MBD5: variants seen among roughly 807,000 people sequenced by gnomAD.
MBD5 encodes methyl-CpG binding domain protein 5.
Under a neutral mutation model 117.3 loss-of-function variants are expected in MBD5, and 13 were observed. That is an observed-to-expected ratio of 0.11 (90% CI 0.07 to 0.18). MBD5 has a LOEUF of 0.18. MBD5 is among the 10% of genes least tolerant of loss of function. The probability of loss-of-function intolerance (pLI) is 1.00; values close to 1 mark genes in which losing one functional copy is unlikely to be tolerated. For missense variants in MBD5, 1,879 were observed against 2,093.8 expected (o/e 0.90, Z 2.00); for synonymous variants, 727 against 766.4 (o/e 0.95, Z 0.85).
At chr2:148,456,937 G>A (rs1239069788) in intron 4 of MBD5, among the ~76,000 whole-genome samples, 1 of 151,978 alleles carries the variant, frequency 6.6e-6, no homozygotes, top group African/African-American at 2.4e-5. Context: ...TTCCTAATGA[G>A]AGATCCAAAA....
chr2:148,233,799 G>A (rs1700039372), intron 3 of MBD5, among the ~76,000 whole-genome samples: 1 of 152,054 alleles, frequency 6.6e-6, no homozygotes, highest in Non-Finnish European at 1.5e-5. Flanking sequence ...TACTATTTAT[G>A]AGTTTTATAT....
intron 1 of MBD5, among the ~76,000 whole-genome samples, chr2:148,157,207 A>G (rs1558951440): frequency 6.6e-6 from 1 of 152,032 alleles, no homozygotes; most frequent in Non-Finnish European, 1.5e-5. Flanking sequence ...TTACATAGGT[A>G]TACATGTGCC....
chr2:148,081,165 T>C (rs1196886552), intron 1 of MBD5, among the ~76,000 whole-genome samples: 1 of 152,204 alleles, frequency 6.6e-6, no homozygotes, highest in Non-Finnish European at 1.5e-5. Flanking sequence ...CAATAAATTT[T>C]AATGTAAAAG....
At chr2:148,161,899 A>G (rs547122038) in intron 1 of MBD5, among the ~76,000 whole-genome samples, 1 of 152,358 alleles carries the variant, frequency 6.6e-6, no homozygotes, top group Non-Finnish European at 1.5e-5. Context: ...TTTCGCCAAC[A>G]TTTAGGGCTA....
At chr2:148,286,707 C>T (rs946663939) in intron 3 of MBD5, among the ~76,000 whole-genome samples, 2 of 152,116 alleles carry the variant, frequency 1.3e-5, no homozygotes, top group Admixed American at 6.5e-5. Context: ...ATTTTTATGA[C>T]TTGTCCTTTA....
chr2:148,482,977 A>C, intron 8 of MBD5, 133 bp from the exon 9 acceptor site: 1 of 934,050 alleles, frequency 1.1e-6, no homozygotes, highest in East Asian at 2.5e-5. Flanking sequence ...GATTACAATT[A>C]ATCTAGTTAC....
chr2:148,287,066 G>A lies in MBD5; in HGVS notation c.-680+53671G>A, dbSNP rs541129805. Among the ~76,000 whole-genome samples, 8 of 151,808 alleles carry A rather than the reference G, an allele frequency of 5.3e-5. No individual in the cohort carries two copies. The East Asian group carries it at 1.6e-3, about 29-fold the overall frequency. On this transcript the variant is annotated intron_variant, in intron 3 of 13. Coordinates refer to ENST00000642680, the MANE Select transcript of MBD5 (RefSeq NM_001378120.1). ...CTTTTTTTTGCAAAAATATTCAGAG[G>A]GTTTTTTAGTTTTCCTAAAGGTGTC...
intron 4 of MBD5, among the ~76,000 whole-genome samples, chr2:148,451,451 G>T (rs1458481945): frequency 6.6e-6 from 1 of 152,096 alleles, no homozygotes; most frequent in Admixed American, 6.6e-5. Context: ...GGTTGAATGA[G>T]GGATTGACTA....
chr2:148,041,759 G>C (rs1374285347), intron 1 of MBD5, among the ~76,000 whole-genome samples: 2 of 152,160 alleles, frequency 1.3e-5, no homozygotes. Flanking sequence ...GGTCTTCACT[G>C]CCTTTCTTCT....
At chr2:148,023,157 T>G (rs1191813854) in intron 1 of MBD5, among the ~76,000 whole-genome samples, 1 of 151,976 alleles carries the variant, frequency 6.6e-6, no homozygotes, top group African/African-American at 2.4e-5. Context: ...AATATTCTTC[T>G]GTAAAGCAGC....
intron 4 of MBD5, among the ~76,000 whole-genome samples, chr2:148,387,118 A>G (rs1329361949): frequency 1.3e-5 from 2 of 152,348 alleles, no homozygotes; most frequent in East Asian, 3.9e-4. Context: ...AAGTAAAAGT[A>G]CAATGCATTC....
At chr2:148,394,988 C>CT (rs1389590184) in intron 4 of MBD5, among the ~76,000 whole-genome samples, 1 of 152,084 alleles carries the variant, frequency 6.6e-6, no homozygotes, top group Non-Finnish European at 1.5e-5. Context: ...TCCTCCATGG[C>CT]TTTGTTTTTA....
intron 8 of MBD5, among the ~76,000 whole-genome samples, chr2:148,474,116 C>T (rs1680882376): frequency 6.6e-6 from 1 of 152,108 alleles, no homozygotes; most frequent in Admixed American, 6.6e-5. Flanking sequence ...AAGCAACTTT[C>T]CATTTTTAAA....
intron 4 of MBD5, among the ~76,000 whole-genome samples, chr2:148,356,099 G>C (rs13419602): frequency 0.013 from 1,918 of 152,114 alleles, 40 homozygotes; most frequent in African/African-American, 0.043. Context: ...ATTAGAGTTT[G>C]CTCATGATTT....
chr2:148,486,728 C>T (rs1681351626), intron 10 of MBD5, among the ~76,000 whole-genome samples: 1 of 152,002 alleles, frequency 6.6e-6, no homozygotes, highest in African/African-American at 2.4e-5. Context: ...TATTAAAAAA[C>T]ATGAAAATAA....
intron 3 of MBD5, among the ~76,000 whole-genome samples, chr2:148,298,481 A>G (rs1310044670): frequency 6.6e-6 from 1 of 152,248 alleles, no homozygotes; most frequent in Non-Finnish European, 1.5e-5. Flanking sequence ...TGTCTTGCAC[A>G]AATGTTTCTT....
intron 1 of MBD5, among the ~76,000 whole-genome samples, chr2:148,150,879 A>G (rs966529401): frequency 3.9e-5 from 6 of 152,228 alleles, no homozygotes; most frequent in African/African-American, 1.4e-4. Flanking sequence ...CAATCATGTC[A>G]TCTGCAAACA....
intron 4 of MBD5, among the ~76,000 whole-genome samples, chr2:148,447,910 G>A (rs1706617259): frequency 6.6e-6 from 1 of 152,054 alleles, no homozygotes; most frequent in African/African-American, 2.4e-5. Flanking sequence ...TTATCTGTTT[G>A]TTAAATTAGA....
chr2:148,194,791 A>T (rs1698931059), intron 2 of MBD5, among the ~76,000 whole-genome samples: 1 of 151,632 alleles, frequency 6.6e-6, no homozygotes, highest in African/African-American at 2.4e-5. Flanking sequence ...AAAAAAAAAA[A>T]ATGAAAGAAC....
Sources: gnomAD v4.1 joint callset for allele counts (sites outside exome capture counted in the v4.1 genomes callset) on GRCh38, gnomAD v4.1.1 for gene constraint, MANE v1.5 for transcripts, NCBI Gene and HGNC (gene_info 2026-07-23, HGNC 2026-07-21) for gene names.